Variants in GPC6 observed in about 807,000 individuals in gnomAD.
The protein encoded by GPC6 is glypican 6.
In GPC6, 14 loss-of-function variants were observed where a neutral mutation model predicts 55.2. The ratio of observed to expected loss-of-function variants is 0.25; its 90% CI spans 0.17 to 0.40. The LOEUF is 0.40. Among genes scored for constraint, GPC6 ranks in the 10% least tolerant of loss-of-function variants. The pLI is 1.00. For synonymous variants in GPC6, 278 were observed against 259.6 expected, an observed-to-expected ratio of 1.07 and a Z score of -0.68; for missense variants, 641 against 708.5, an observed-to-expected ratio of 0.90 and a Z score of 1.08.
At chr13:93,815,142 G>A (rs1379753605) in intron 2 of GPC6, among the ~76,000 whole-genome samples, 1 of 151,944 alleles carries the variant, frequency 6.6e-6, no homozygotes, top group Non-Finnish European at 1.5e-5. Flanking sequence ...ATTGCTGATG[G>A]GTGGCTTTTA....
chr13:93,909,480 A>T (rs1876849891), intron 3 of GPC6, among the ~76,000 whole-genome samples: 1 of 152,174 alleles, frequency 6.6e-6, no homozygotes, highest in South Asian at 2.1e-4. Context: ...AAAAAAAAAG[A>T]AAAGTCTCAA....
intron 2 of GPC6, among the ~76,000 whole-genome samples, chr13:93,740,268 G>A (rs924963008): frequency 7.0e-5 from 8 of 113,766 alleles, no homozygotes; most frequent in African/African-American, 1.5e-4. Flanking sequence ...TACTAAAGAA[G>A]TTTTGTGCAG....
intron 1 of GPC6, among the ~76,000 whole-genome samples, chr13:93,489,603 G>A (rs1188624351): frequency 6.6e-6 from 1 of 151,598 alleles, no homozygotes; most frequent in Non-Finnish European, 1.5e-5. Flanking sequence ...CTATCCATGA[G>A]CATGGAATGT....
chr13:93,819,854 CCAAGAAA>C (rs1886984206), intron 2 of GPC6, among the ~76,000 whole-genome samples: 1 of 152,046 alleles, frequency 6.6e-6, no homozygotes, highest in Admixed American at 6.6e-5. Context: ...AAATAACCTA[CCAAGAAA>C]TAAAACATTT....
chr13:93,750,680 CAG>C (rs1884547583), intron 2 of GPC6, among the ~76,000 whole-genome samples: 1 of 152,198 alleles, frequency 6.6e-6, no homozygotes, highest in African/African-American at 2.4e-5. Context: ...TAATTGTGAT[CAG>C]AACTAGAAAC....
At chr13:94,104,480 C>T (rs1402087815) in intron 4 of GPC6, among the ~76,000 whole-genome samples, 2 of 152,110 alleles carry the variant, frequency 1.3e-5, no homozygotes, top group African/African-American at 4.8e-5. Context: ...GGCAATTAGG[C>T]AGGAGAAAGA....
chr13:93,460,672 C>T (rs969378120), intron 1 of GPC6, among the ~76,000 whole-genome samples: 8 of 151,974 alleles, frequency 5.3e-5, no homozygotes, highest in East Asian at 1.9e-4. Context: ...ATGAAAGTGA[C>T]GAGTCAATAT....
At position 93,547,174 on chromosome 13, in the gene GPC6, C is replaced by CAAAAAAAAA. The variant is rs55697128; in HGVS notation, c.319+1767_319+1775dup. 2.4e-4 allele frequency among the ~76,000 whole-genome samples: 31 copies of CAAAAAAAAA among 128,928 alleles called. No individual in the cohort carries two copies. The East Asian group carries it at 2.7e-3, about 11-fold the overall frequency. 84.6% of individuals were successfully genotyped at this position (128,928 alleles called of 152,430 possible). On this transcript the variant is annotated intron_variant, in intron 2 of 8. Coordinates refer to ENST00000377047, the MANE Select transcript of GPC6 (RefSeq NM_005708.5). ...TGAAACCCCATCTCTACTAAAAATA[C>CAAAAAAAAA]AAAAAAAAAAAAAAAAAAAAAATTA...
intron 4 of GPC6, among the ~76,000 whole-genome samples, chr13:94,197,903 A>T (rs1478721230): frequency 6.6e-6 from 1 of 152,224 alleles, no homozygotes; most frequent in Non-Finnish European, 1.5e-5. Flanking sequence ...TGAAGGCCAA[A>T]TATTTGTAGC....
At chr13:93,832,757 C>T (rs12876221) in intron 3 of GPC6, among the ~76,000 whole-genome samples, 38,526 of 151,944 alleles carry the variant, frequency 0.25, 6,371 homozygotes, top group Middle Eastern at 0.45. Flanking sequence ...TTCCTTCTGG[C>T]GAAGGATGAC....
intron 4 of GPC6, among the ~76,000 whole-genome samples, chr13:94,082,570 T>A (rs1465016687): frequency 6.6e-6 from 1 of 152,164 alleles, no homozygotes; most frequent in Non-Finnish European, 1.5e-5. Context: ...TGTTAGAGAA[T>A]TCAAAGACAT....
At chr13:93,579,345 C>T (rs1380969389) in intron 2 of GPC6, among the ~76,000 whole-genome samples, 1 of 151,220 alleles carries the variant, frequency 6.6e-6, no homozygotes, top group Non-Finnish European at 1.5e-5. Context: ...TTTACATGTA[C>T]CCTGAAAATA....
chr13:93,829,604 T>G (rs1175605207), intron 2 of GPC6, among the ~76,000 whole-genome samples: 2 of 152,216 alleles, frequency 1.3e-5, no homozygotes, highest in Non-Finnish European at 2.9e-5. Context: ...TGAAGTGAAT[T>G]TAATTGCATT....
intron 4 of GPC6, among the ~76,000 whole-genome samples, chr13:94,093,755 C>G (rs1274696336): frequency 1.3e-5 from 2 of 152,012 alleles, no homozygotes; most frequent in African/African-American, 4.8e-5. Context: ...CACTTGCTTT[C>G]AGGATGCAGA....
In GPC6 at chr13:93,354,519, A is replaced by ATT. The variant is rs775211146; in HGVS notation, c.160+126920_160+126921dup. 2.7e-3 allele frequency among the ~76,000 whole-genome samples: 139 copies of ATT among 51,748 alleles called. 3 individuals carry two copies. Among genetic ancestry groups the ATT allele is most frequent in the Admixed American group, 6.2e-3 (25 of 4,006 alleles). 33.9% of individuals were successfully genotyped at this position (51,748 alleles called of 152,430 possible). A position where few individuals can be genotyped will look rare whatever the true frequency, so the allele number is the denominator to read the frequency against. ...GTGCCCGCTACCACACTCGGCTATT[A>ATT]TTTTTTTTTTTTTTTTTTGGATTTT... On this transcript the variant is annotated intron_variant, in intron 1 of 8. Coordinates refer to ENST00000377047, the MANE Select transcript of GPC6 (RefSeq NM_005708.5).
chr13:94,186,673 C>T (rs1354988860), intron 4 of GPC6, among the ~76,000 whole-genome samples: 4 of 152,088 alleles, frequency 2.6e-5, no homozygotes, highest in South Asian at 2.1e-4. Flanking sequence ...AAAAAAATGA[C>T]GAGTTGGCTA....
At chr13:93,951,133 G>C (rs1879235024) in intron 3 of GPC6, among the ~76,000 whole-genome samples, 1 of 151,922 alleles carries the variant, frequency 6.6e-6, no homozygotes, top group Admixed American at 6.6e-5. Flanking sequence ...AGATTATTTA[G>C]GTAGTAAGAT....
chr13:93,903,127 C>A (rs1281412343), intron 3 of GPC6, among the ~76,000 whole-genome samples: 1 of 152,102 alleles, frequency 6.6e-6, no homozygotes, highest in Non-Finnish European at 1.5e-5. Context: ...GAAGAAAACA[C>A]AGGGGAAATG....
chr13:94,183,638 A>G (rs1889071870), intron 4 of GPC6, among the ~76,000 whole-genome samples: 1 of 152,170 alleles, frequency 6.6e-6, no homozygotes, highest in Non-Finnish European at 1.5e-5. Context: ...TGAAACCACC[A>G]AACAGTTTTC....
Sources: allele counts gnomAD v4.1 joint callset (sites outside exome capture counted in the v4.1 genomes callset), GRCh38; gene constraint gnomAD v4.1.1; transcripts MANE v1.5; gene names NCBI Gene and HGNC (gene_info 2026-07-23, HGNC 2026-07-21).